CCR5AS: variants seen among roughly 807,000 people sequenced by gnomAD.
The protein encoded by CCR5AS is CCR5 antisense RNA.
intron 1 of CCR5AS, among the ~76,000 whole-genome samples, chr3:46,404,313 CTCTCTCTCTCTCTCTTTTTTT>C (rs1194219487): frequency 1.1e-5 from 1 of 91,224 alleles, no homozygotes; most frequent in African/African-American, 3.9e-5. Context: ...CTCTCTCTCT[CTCTCTCTCTCTCTCTTTTTTT>C]TTTTTTTTTT....
chr3:46,384,049 G>T (rs2106763496), intron 2 of CCR5AS, among the ~76,000 whole-genome samples: 1 of 152,358 alleles, frequency 6.6e-6, no homozygotes, highest in Non-Finnish European at 1.5e-5. Context: ...GTGAGTTTAA[G>T]AGCAGAGGTT....
At chr3:46,388,720 A>G (rs1343427366) in intron 2 of CCR5AS, among the ~76,000 whole-genome samples, 1 of 152,238 alleles carries the variant, frequency 6.6e-6, no homozygotes, top group South Asian at 2.1e-4. Flanking sequence ...TTGTTTGTTA[A>G]GAAGGATTAG....
intron 2 of CCR5AS, among the ~76,000 whole-genome samples, chr3:46,385,874 G>A (rs758512834): frequency 6.2e-4 from 94 of 151,972 alleles, no homozygotes; most frequent in Non-Finnish European, 1.1e-3. Flanking sequence ...CTGAGCAGCA[G>A]GGACTACAGG....
chr3:46,367,319 GA>G (rs947250988), intron 3 of CCR5AS, among the ~76,000 whole-genome samples: 5 of 134,760 alleles, frequency 3.7e-5, no homozygotes, highest in African/African-American at 1.4e-4. Context: ...CACTTATAAA[GA>G]ATTTTTTAAT....
rs1469520993 is a variant in CCR5AS at position 46,369,366 on chromosome 3, C to T, written n.565+1878G>A. On this transcript the variant is annotated intron_variant and non_coding_transcript_variant, in intron 3 of 3. Coordinates refer to ENST00000451485, the Ensembl canonical transcript of CCR5AS. The stretch of plus-strand genomic sequence containing the variant: ...TATGGGATGAACTAGAACATTTTCT[C>T]GATGATTCGCTGTCCTTGTTATGAT... 3.5e-5 allele frequency among the ~76,000 whole-genome samples: 5 copies of T among 143,188 alleles called. No homozygotes were observed. The East Asian group carries it at 6.1e-4, about 17-fold the overall frequency. The allele number at this position is 143,188 out of a possible 152,430, so 93.9% of individuals were successfully genotyped here. A position where few individuals can be genotyped will look rare whatever the true frequency, so the allele number is the denominator to read the frequency against.
chr3:46,368,680 C>T (rs553615728), intron 3 of CCR5AS, among the ~76,000 whole-genome samples: 5 of 152,314 alleles, frequency 3.3e-5, no homozygotes, highest in South Asian at 2.1e-4. Flanking sequence ...AGGTCTAGCA[C>T]GTCATTTAAC....
rs146556912 is a variant in CCR5AS at position 46,369,277 on chromosome 3, G to A, written n.565+1967C>T. 3.9e-5 allele frequency among the ~76,000 whole-genome samples: 6 copies of A among 152,296 alleles called. No homozygotes were observed. The East Asian group carries it at 1.2e-3, about 29-fold the overall frequency. On this transcript the variant is annotated intron_variant and non_coding_transcript_variant, in intron 3 of 3. Transcript: ENST00000451485. ...TTGGTCAGAGCCAAGTAGCAGTAAT[G>A]AAGCTGGAGGTTAAACCCAGCAGCA...
chr3:46,399,288 A>G (rs1701986983), intron 1 of CCR5AS, among the ~76,000 whole-genome samples: 1 of 152,228 alleles, frequency 6.6e-6, no homozygotes, highest in Admixed American at 6.5e-5. Context: ...CACTTGATGC[A>G]TTAGCTGCCC....
intron 2 of CCR5AS, among the ~76,000 whole-genome samples, chr3:46,381,876 T>G (rs1701820491): frequency 6.6e-6 from 1 of 152,226 alleles, no homozygotes; most frequent in Non-Finnish European, 1.5e-5. Flanking sequence ...TGACTTAACG[T>G]CTCTGGCTCT....
At chr3:46,373,597 G>A (rs1467951341) in intron 2 of CCR5AS, 1 of 1,613,944 alleles carries the variant, frequency 6.2e-7, no homozygotes, top group Non-Finnish European at 8.5e-7. Context: ...AAGAGGCACA[G>A]GGCTGTGAGG....
chr3:46,369,983 C>T (rs1222902288), intron 3 of CCR5AS, among the ~76,000 whole-genome samples: 39 of 152,094 alleles, frequency 2.6e-4, no homozygotes, highest in Admixed American at 2.6e-3. Flanking sequence ...TCTTGTGGCT[C>T]GGGAGTAGCT....
chr3:46,376,537 A>G (rs1701760273), intron 2 of CCR5AS, among the ~76,000 whole-genome samples: 2 of 152,368 alleles, frequency 1.3e-5, no homozygotes, highest in Non-Finnish European at 2.9e-5. Context: ...TTTAAAAAAG[A>G]GAATTGGTGC....
At position 46,396,351 on chromosome 3, in the gene CCR5AS, C is replaced by T. The variant is rs141066205; in HGVS notation, n.164-3299G>A. On this transcript the variant is annotated intron_variant and non_coding_transcript_variant, in intron 1 of 3. Coordinates refer to ENST00000451485, the Ensembl canonical transcript of CCR5AS. The stretch of plus-strand genomic sequence containing the variant: ...AGTGGGCAGTGTGGCCTCCTGTGCA[C>T]GTGACTTCCTCCTTCAGTGTGCCCA... 1.1e-3 allele frequency among the ~76,000 whole-genome samples: 167 copies of T among 152,248 alleles called. 3 individuals are homozygous for T. The highest frequency in any genetic ancestry group is 3.1e-3 in the South Asian group (15 of 4,822).
chr3:46,365,847 G>A (rs1701593690), intron 3 of CCR5AS, among the ~76,000 whole-genome samples: 1 of 152,058 alleles, frequency 6.6e-6, no homozygotes, highest in Non-Finnish European at 1.5e-5. Flanking sequence ...TTGACCCAGG[G>A]GCACTCTTGA....
intron 2 of CCR5AS, among the ~76,000 whole-genome samples, chr3:46,387,142 T>C (rs920814010): frequency 6.6e-6 from 1 of 152,154 alleles, no homozygotes; most frequent in Non-Finnish European, 1.5e-5. Flanking sequence ...AAATGAAAGA[T>C]ACCCCCTTCC....
intron 3 of CCR5AS, among the ~76,000 whole-genome samples, chr3:46,365,210 G>A (rs1303128563): frequency 6.6e-6 from 1 of 152,170 alleles, no homozygotes. Flanking sequence ...GTGAAGGGAA[G>A]AGTCGACCAA....
intron 2 of CCR5AS, among the ~76,000 whole-genome samples, chr3:46,380,521 C>A (rs899525162): frequency 6.6e-6 from 1 of 152,152 alleles, no homozygotes; most frequent in Non-Finnish European, 1.5e-5. Context: ...GACCAGTGAG[C>A]CCAACCCCTT....
chr3:46,373,175 C>A (rs757918238), intron 2 of CCR5AS: 11 of 1,614,016 alleles, frequency 6.8e-6, no homozygotes, highest in Non-Finnish European at 8.5e-6. Context: ...ACTATGCTGC[C>A]GCCCAGTGGG....
chr3:46,380,850 A>G (rs563550097), intron 2 of CCR5AS, among the ~76,000 whole-genome samples: 1 of 152,328 alleles, frequency 6.6e-6, no homozygotes, highest in South Asian at 2.1e-4. Flanking sequence ...GAAGCTCCCC[A>G]GGTGATTCTA....
Sources: allele counts gnomAD v4.1 joint callset (sites outside exome capture counted in the v4.1 genomes callset), GRCh38; gene constraint gnomAD v4.1.1; transcripts MANE v1.5; gene names NCBI Gene and HGNC (gene_info 2026-07-23, HGNC 2026-07-21).